TTI2: variants seen among roughly 807,000 people sequenced by gnomAD.
TTI2 encodes the protein TELO2 interacting protein 2, also known as TELO2-interacting protein 2.
TTI2 carries 26 observed loss-of-function variants against 44.9 expected under a neutral mutation model. That is an observed-to-expected ratio of 0.58 (90% CI 0.42 to 0.80). The LOEUF (loss-of-function observed/expected upper bound fraction) is 0.80, where lower values mean the gene tolerates loss of function less well. TTI2 is among the 30% of genes least tolerant of loss of function. TTI2 has a pLI of 0.00. For missense variants in TTI2, 582 were observed against 611.6 expected (o/e 0.95, Z 0.51); for synonymous variants, 254 against 250.9 (o/e 1.01, Z -0.12).
chr8:33,507,123 T>C, intron 4 of TTI2, 106 bp downstream of exon 4: 3 of 1,035,006 alleles, frequency 2.9e-6, no homozygotes, highest in East Asian at 2.5e-5. Flanking sequence ...TCATCCTCAC[T>C]TTCCAAGGCA....
intron 2 of TTI2, among the ~76,000 whole-genome samples, chr8:33,511,492 A>G (rs972773163): frequency 2.6e-5 from 4 of 152,202 alleles, no homozygotes; most frequent in Admixed American, 6.5e-5. Context: ...TATGTCATTT[A>G]TAGCAAATCA....
intron 3 of TTI2, among the ~76,000 whole-genome samples, 186 bp from the exon 4 acceptor site, chr8:33,507,507 T>C (rs1436141424): frequency 6.6e-6 from 1 of 152,190 alleles, no homozygotes; most frequent in East Asian, 1.9e-4. Flanking sequence ...GACTTGTCTC[T>C]TTCTGCATGC....
chr8:33,507,816 T>A (rs1486657190), intron 3 of TTI2, among the ~76,000 whole-genome samples: 28 of 150,368 alleles, frequency 1.9e-4, no homozygotes, highest in African/African-American at 6.6e-4. Context: ...AGACCCTGTC[T>A]CTACCAAAAA....
Position 33,507,248 on chromosome 8 carries a change from G to A in TTI2, c.908C>T (p.Pro303Leu). ...YHAISNHLYT[P>L]EHHLIQAVLL... ...TATTACCTGAATGAGGTGGTGCTCT[G>A]GTGTGTACAGGTGGTTGGAAATGGC... The change falls in exon 4 of 8, where the codon CCA becomes CTA. Residue 303 changes from proline to leucine, a missense_variant. Physicochemically the swap from Pro to Leu is moderately conservative, Grantham distance 98 (BLOSUM62 -3). Coordinates refer to ENST00000431156, the MANE Select transcript of TTI2 (RefSeq NM_001102401.4). 1 of 1,614,090 alleles carries A rather than the reference G, an allele frequency of 6.2e-7. No homozygotes were observed.
At chr8:33,501,015 T>G (rs1193058145) in intron 6 of TTI2, 1 of 156,404 alleles carries the variant, frequency 6.4e-6, no homozygotes, top group Non-Finnish European at 1.4e-5. Flanking sequence ...TACTTGTAAC[T>G]ATTAACCTTT....
chr8:33,507,988 C>CA (rs35037238), intron 3 of TTI2, among the ~76,000 whole-genome samples: 234 of 93,832 alleles, frequency 2.5e-3, no homozygotes, highest in South Asian at 3.6e-3. Context: ...GACCCTGTCT[C>CA]AAAAAAAAAA....
In TTI2 at chr8:33,503,831, C is replaced by T. The variant is rs765647962; in HGVS notation, c.1032G>A (p.Arg344=). Residue 344 remains arginine (R), a synonymous_variant, in exon 5 of 8, where the codon CGG becomes CGA. Transcript: ENST00000431156. ...RPTTHCDEVL[R]LILTHMEPEH... ...CTGGCTCCATGTGGGTCAGGATCAGCCGCAGGACCTCATCACAATGGGTGG... is the reference window on the plus strand; with the variant it reads ...CTGGCTCCATGTGGGTCAGGATCAGTCGCAGGACCTCATCACAATGGGTGG... 1.2e-6 allele frequency: 2 copies of T among 1,614,158 alleles called. No homozygotes were observed. Among genetic ancestry groups the T allele is most frequent in the South Asian group, 2.2e-5 (2 of 91,086 alleles).
At chr8:33,503,354 T>C (rs1809170085) in intron 6 of TTI2, 75 bp downstream of exon 6, 3 of 1,597,414 alleles carry the variant, frequency 1.9e-6, no homozygotes, top group Non-Finnish European at 2.6e-6. Flanking sequence ...TACTTTGTAC[T>C]GAATGTATTA....
At chr8:33,505,485 C>CT (rs11446015) in intron 4 of TTI2, among the ~76,000 whole-genome samples, 91,340 of 146,838 alleles carry the variant, frequency 0.62, 28,538 homozygotes, top group African/African-American at 0.65. Flanking sequence ...GCCACTGCAC[C>CT]TTTTTTTTTT....
At chr8:33,500,019 G>C in intron 7 of TTI2, 1 of 213,666 alleles carries the variant, frequency 4.7e-6, no homozygotes, top group Non-Finnish European at 9.4e-6. Flanking sequence ...TAATTCAGAA[G>C]ACTAGAACAG....
At chr8:33,504,071 T>C in intron 4 of TTI2, 136 bp from the exon 5 acceptor site, 4 of 871,896 alleles carry the variant, frequency 4.6e-6, no homozygotes, top group Non-Finnish European at 5.6e-6. Flanking sequence ...AGTAATCATA[T>C]ATGAACTGCA....
Position 33,503,767 on chromosome 8 carries a change from G to C in TTI2, c.1096C>G (p.Leu366Val). The C allele has an allele frequency of 6.2e-7, 1 of 1,613,850 alleles. No homozygotes were observed. Among genetic ancestry groups the C allele is most frequent in the Non-Finnish European group, 8.5e-7 (1 of 1,179,994 alleles). ...CCTCACCTGTTCACGAAAGCCGGCA[G>C]GTTTCTTGCGTAGGTCCTGCGTAAA... Reference protein sequence around the residue: ...LLLRRTYARNLPAFVNRLGIL... With the variant: ...LLLRRTYARNVPAFVNRLGIL... Residue 366 changes from leucine (L) to valine (V), a missense_variant, in exon 5 of 8, where the codon CTG (leucine) becomes GTG (valine). Physicochemically the swap from Leu to Val is conservative, Grantham distance 32. Coordinates refer to ENST00000431156, the MANE Select transcript of TTI2 (RefSeq NM_001102401.4).
Position 33,512,529 on chromosome 8 carries a change from C to T in TTI2, c.85G>A (p.Ala29Thr), listed in dbSNP as rs756350879. Residue 29 changes from alanine (A) to threonine (T), a missense_variant, in exon 2 of 8, where the codon GCC becomes ACC. Transcript: ENST00000431156. ...AGACAGTGTAAAATCTTGGAGAAGG[C>T]CTGTCCAAAGGCGGAGTGAGACAAC... ...EELSHSAFGQ[A>T]FSKILHCLAR... The T allele has an allele frequency of 6.2e-7, 1 of 1,614,076 alleles. No individual in the cohort carries two copies. The highest frequency in any genetic ancestry group is 1.1e-5 in the South Asian group (1 of 91,084).
intron 4 of TTI2, among the ~76,000 whole-genome samples, chr8:33,505,257 G>C (rs949881044): frequency 6.6e-6 from 1 of 151,976 alleles, no homozygotes; most frequent in Non-Finnish European, 1.5e-5. Flanking sequence ...AATAAAGGCA[G>C]CAGGGTGGGG....
intron 6 of TTI2, chr8:33,501,053 C>T (rs145769306): frequency 6.3e-4 from 97 of 154,682 alleles, no homozygotes; most frequent in African/African-American, 2.2e-3. Context: ...CTTGGTAAAG[C>T]TCCAGAAATG....
chr8:33,508,749 C>T (rs992087859), intron 3 of TTI2, among the ~76,000 whole-genome samples: 2 of 151,290 alleles, frequency 1.3e-5, no homozygotes, highest in East Asian at 1.9e-4. Context: ...CTCCATAGTA[C>T]AAAGTTTTTT....
intron 2 of TTI2, among the ~76,000 whole-genome samples, chr8:33,510,458 C>T (rs986908513): frequency 6.6e-6 from 1 of 152,110 alleles, no homozygotes; most frequent in Non-Finnish European, 1.5e-5. Context: ...TTCACTGCAA[C>T]CTCCGCCTCC....
intron 4 of TTI2, among the ~76,000 whole-genome samples, chr8:33,505,905 A>G (rs1451934323): frequency 2.6e-5 from 4 of 152,100 alleles, no homozygotes; most frequent in Non-Finnish European, 5.9e-5. Context: ...CGCCCACCTC[A>G]GCCTCTCAAA....
Position 33,512,204 on chromosome 8 carries a change from G to A in TTI2, c.410C>T (p.Pro137Leu), listed in dbSNP as rs1266246070. Residue 137 changes from proline (P) to leucine (L), a missense_variant, in exon 2 of 8, where the codon CCT (proline) becomes CTT (leucine). Transcript: ENST00000431156. Reference sequence around the variant, plus strand: ...GTGATGCAGGCCCGTCTGCCATGCAGGGCCGACCAGGGAATTCTTAGCAGT... The same window carrying A: ...GTGATGCAGGCCCGTCTGCCATGCAAGGCCGACCAGGGAATTCTTAGCAGT... ...VETAKNSLVGPAWQTGLHHLA... is the reference protein window; with the variant it reads ...VETAKNSLVGLAWQTGLHHLA... 3 of 1,614,056 alleles carry A rather than the reference G, an allele frequency of 1.9e-6. No homozygotes were observed. The highest frequency in any genetic ancestry group is 3.3e-5 in the Admixed American group (2 of 60,008).
Sources: gnomAD v4.1 joint callset for allele counts (sites outside exome capture counted in the v4.1 genomes callset) on GRCh38, gnomAD v4.1.1 for gene constraint, MANE v1.5 for transcripts, NCBI Gene and HGNC (gene_info 2026-07-23, HGNC 2026-07-21) for gene names.